Variants in TEAD1 observed in about 807,000 individuals in gnomAD.
TEAD1 encodes TEA domain transcription factor 1.
In TEAD1, 9 loss-of-function variants were observed where a neutral mutation model predicts 54.9. The observed-to-expected ratio is 0.16, with a 90% CI of 0.10 to 0.29. The LOEUF is 0.29. TEAD1 is among the 10% of genes least tolerant of loss of function. The pLI is 1.00. For synonymous variants in TEAD1, 200 were observed against 187.8 expected (o/e 1.07, Z -0.53); for missense variants, 387 against 535.9 (o/e 0.72, Z 2.74).
At chr11:12,878,609 C>T (rs1477037700) in intron 5 of TEAD1, among the ~76,000 whole-genome samples, 1 of 148,074 alleles carries the variant, frequency 6.8e-6, no homozygotes. Flanking sequence ...AGCCACAGAA[C>T]CAGTGCAAAG....
intron 2 of TEAD1, among the ~76,000 whole-genome samples, chr11:12,754,502 A>G (rs981534743): frequency 1.3e-5 from 2 of 152,218 alleles, no homozygotes; most frequent in Non-Finnish European, 2.9e-5. Context: ...TCTAGAGACT[A>G]TCAGACTTCT....
chr11:12,789,708 A>G (rs16911595), intron 3 of TEAD1, among the ~76,000 whole-genome samples: 4,476 of 152,322 alleles, frequency 0.029, 211 homozygotes, highest in African/African-American at 0.1. Flanking sequence ...TGTCTCCAGC[A>G]TGGATATGTA....
Position 12,921,667 on chromosome 11 carries a change from C to T in TEAD1, c.874-3245C>T, listed in dbSNP as rs776258001. Reference sequence around the variant, plus strand: ...GAAGTATTCTAAGGTGTCAGCAAAGCGAGGCAGTGGCAGTTCTTGAAGGTA... The same window carrying T: ...GAAGTATTCTAAGGTGTCAGCAAAGTGAGGCAGTGGCAGTTCTTGAAGGTA... On this transcript the variant is annotated intron_variant, in intron 10 of 12. Coordinates refer to ENST00000527636, the MANE Select transcript of TEAD1 (RefSeq NM_021961.6). Among the ~76,000 whole-genome samples, 9 of 152,094 alleles carry T rather than the reference C, an allele frequency of 5.9e-5. No individual in the cohort carries two copies. The East Asian group carries it at 7.7e-4, about 13-fold the overall frequency.
At chr11:12,752,523 A>G (rs1487456634) in intron 2 of TEAD1, among the ~76,000 whole-genome samples, 1 of 152,182 alleles carries the variant, frequency 6.6e-6, no homozygotes, top group African/African-American at 2.4e-5. Context: ...CGCAGACAGT[A>G]TAGTATATAT....
intron 10 of TEAD1, among the ~76,000 whole-genome samples, chr11:12,924,120 G>A (rs1180018310): frequency 6.6e-6 from 1 of 152,228 alleles, no homozygotes; most frequent in Non-Finnish European, 1.5e-5. Flanking sequence ...CCCAGTCTGA[G>A]GTCCTTAATC....
At chr11:12,738,889 A>G (rs369560196) in intron 2 of TEAD1, among the ~76,000 whole-genome samples, 24 of 152,270 alleles carry the variant, frequency 1.6e-4, no homozygotes, top group African/African-American at 5.8e-4. Flanking sequence ...TGCTGCCTTC[A>G]TGGAGTTTGA....
chr11:12,803,965 G>A (rs1164575937), intron 3 of TEAD1, among the ~76,000 whole-genome samples: 1 of 152,190 alleles, frequency 6.6e-6, no homozygotes, highest in Non-Finnish European at 1.5e-5. Flanking sequence ...GGCTCTGGGA[G>A]ACTTTTGCTA....
intron 3 of TEAD1, among the ~76,000 whole-genome samples, chr11:12,846,712 T>TC (rs1259290849): frequency 6.6e-6 from 1 of 152,216 alleles, no homozygotes; most frequent in Non-Finnish European, 1.5e-5. Context: ...AATTTGTTTT[T>TC]CTCAATTAAA....
At chr11:12,717,868 T>C (rs183778619) in intron 2 of TEAD1, among the ~76,000 whole-genome samples, 54 of 152,346 alleles carry the variant, frequency 3.5e-4, no homozygotes, top group African/African-American at 1.2e-3. Context: ...GGCAAATTAC[T>C]TCACCTTGCC....
At chr11:12,687,620 G>T (rs1387865433) in intron 2 of TEAD1, among the ~76,000 whole-genome samples, 3 of 152,094 alleles carry the variant, frequency 2.0e-5, no homozygotes, top group East Asian at 1.9e-4. Flanking sequence ...TTGAAACAAA[G>T]GTAGGCTTCT....
At chr11:12,882,343 A>G (rs577525749) in intron 8 of TEAD1, among the ~76,000 whole-genome samples, 1 of 152,174 alleles carries the variant, frequency 6.6e-6, no homozygotes, top group South Asian at 2.1e-4. Flanking sequence ...CGGTCCTGCT[A>G]CCTTTCTTTA....
At chr11:12,742,252 T>A (rs776570643) in intron 2 of TEAD1, among the ~76,000 whole-genome samples, 1 of 152,254 alleles carries the variant, frequency 6.6e-6, no homozygotes, top group Non-Finnish European at 1.5e-5. Context: ...ACTAGTGACA[T>A]GATTCTGGAC....
At chr11:12,829,766 G>C (rs1053647454) in intron 3 of TEAD1, among the ~76,000 whole-genome samples, 1 of 152,344 alleles carries the variant, frequency 6.6e-6, no homozygotes, top group Non-Finnish European at 1.5e-5. Context: ...CAATTGAGCA[G>C]TTGCTGTATC....
intron 6 of TEAD1, among the ~76,000 whole-genome samples, 153 bp from the exon 7 acceptor site, chr11:12,880,852 G>C (rs551783656): frequency 2.0e-5 from 3 of 152,338 alleles, no homozygotes; most frequent in Middle Eastern, 3.4e-3. Flanking sequence ...TTGTGGTCTC[G>C]TGCAAGTGGT....
At chr11:12,714,127 G>A (rs984372450) in intron 2 of TEAD1, among the ~76,000 whole-genome samples, 16 of 152,158 alleles carry the variant, frequency 1.1e-4, no homozygotes, top group Non-Finnish European at 2.4e-4. Context: ...AAGAATATCT[G>A]GGCAGGCAGG....
At chr11:12,774,002 G>C (rs138014734) in intron 3 of TEAD1, among the ~76,000 whole-genome samples, 13 of 152,302 alleles carry the variant, frequency 8.5e-5, no homozygotes, top group African/African-American at 3.1e-4. Context: ...TTACAAGAAG[G>C]TTATTGGGTT....
intron 9 of TEAD1, among the ~76,000 whole-genome samples, chr11:12,887,365 G>T (rs1440674330): frequency 6.6e-6 from 1 of 152,096 alleles, no homozygotes; most frequent in East Asian, 1.9e-4. Context: ...AAAGTGCTGG[G>T]ATTACAGGCG....
chr11:12,769,732 GGGT>G (rs1945278042), intron 3 of TEAD1, among the ~76,000 whole-genome samples: 1 of 152,148 alleles, frequency 6.6e-6, no homozygotes, highest in Non-Finnish European at 1.5e-5. Flanking sequence ...CTCTGATTCA[GGGT>G]GTTATTTCAA....
At chr11:12,754,489 T>C (rs1590117282) in intron 2 of TEAD1, among the ~76,000 whole-genome samples, 1 of 152,224 alleles carries the variant, frequency 6.6e-6, no homozygotes, top group Admixed American at 6.5e-5. Context: ...TGATTTCTGA[T>C]AGTCTAGAGA....
Sources: allele counts gnomAD v4.1 joint callset (sites outside exome capture counted in the v4.1 genomes callset), GRCh38; gene constraint gnomAD v4.1.1; transcripts MANE v1.5; gene names NCBI Gene and HGNC (gene_info 2026-07-23, HGNC 2026-07-21).